The following MEIKIN variants were observed in gnomAD, a reference collection of about 807,000 sequenced individuals.
MEIKIN encodes the protein meiosis-specific kinetochore protein.
At chr5:131,833,610 C>T (rs534952736) in intron 11 of MEIKIN, among the ~76,000 whole-genome samples, 1 of 152,102 alleles carries the variant, frequency 6.6e-6, no homozygotes, top group Non-Finnish European at 1.5e-5. Context: ...ATGGCAGCAG[C>T]AAGAGAAAAT....
At chr5:131,887,600 T>G (rs926104882) in intron 8 of MEIKIN, among the ~76,000 whole-genome samples, 2 of 152,222 alleles carry the variant, frequency 1.3e-5, no homozygotes, top group Non-Finnish European at 2.9e-5. Flanking sequence ...ATGATGAGCA[T>G]TATTTCATGT....
intron 8 of MEIKIN, among the ~76,000 whole-genome samples, chr5:131,892,155 C>G (rs754103069): frequency 1.5e-4 from 23 of 152,098 alleles, no homozygotes; most frequent in Admixed American, 2.0e-4. Context: ...AACATTTTTT[C>G]CTTCATTTCA....
At chr5:131,815,974 T>C (rs1448012390) in intron 12 of MEIKIN, among the ~76,000 whole-genome samples, 2 of 152,234 alleles carry the variant, frequency 1.3e-5, no homozygotes, top group Non-Finnish European at 2.9e-5. Flanking sequence ...CTTCTCTCTC[T>C]TATCCCTTTA....
chr5:131,922,557 T>C (rs1466365716), intron 5 of MEIKIN, among the ~76,000 whole-genome samples: 1 of 152,154 alleles, frequency 6.6e-6, no homozygotes, highest in Non-Finnish European at 1.5e-5. Context: ...CATCCACAGA[T>C]TTTGGTATCC....
intron 4 of MEIKIN, among the ~76,000 whole-genome samples, chr5:131,942,208 C>T (rs1580918595): frequency 6.6e-6 from 1 of 152,218 alleles, no homozygotes; most frequent in Non-Finnish European, 1.5e-5. Context: ...ACATATCCTC[C>T]TACTCTCTGT....
chr5:131,875,050 A>C (rs1010954581), intron 9 of MEIKIN, among the ~76,000 whole-genome samples: 2 of 152,238 alleles, frequency 1.3e-5, no homozygotes, highest in African/African-American at 4.8e-5. Context: ...CTGAATGGCC[A>C]AAAACTGGAA....
chr5:131,825,049 A>C (rs757452877), intron 11 of MEIKIN, among the ~76,000 whole-genome samples: 7 of 152,008 alleles, frequency 4.6e-5, no homozygotes, highest in Non-Finnish European at 7.4e-5. Flanking sequence ...GAAGAAGAAG[A>C]AGAAGCTGGG....
chr5:131,824,367 A>C (rs1016683722), intron 11 of MEIKIN, among the ~76,000 whole-genome samples: 2 of 151,962 alleles, frequency 1.3e-5, no homozygotes, highest in African/African-American at 4.8e-5. Flanking sequence ...AAAAAATAGA[A>C]AACTTAGCCA....
intron 8 of MEIKIN, among the ~76,000 whole-genome samples, chr5:131,885,362 AGAGAGAGAGAGAGAG>A: frequency 3.8e-5 from 1 of 26,460 alleles, no homozygotes; most frequent in African/African-American, 1.1e-4. Context: ...AGAGAGAGAG[AGAGAGAGAGAGAGAG>A]AGAGAGAGAG....
At chr5:131,914,460 G>GGA (rs1036135793) in intron 7 of MEIKIN, among the ~76,000 whole-genome samples, 2 of 146,782 alleles carry the variant, frequency 1.4e-5, no homozygotes, top group African/African-American at 5.0e-5. Flanking sequence ...GGAAGGAAGG[G>GGA]GAGAGAGAGA....
intron 5 of MEIKIN, among the ~76,000 whole-genome samples, chr5:131,928,131 A>G (rs565727): frequency 0.35 from 50,774 of 145,604 alleles, 10,679 homozygotes; most frequent in African/African-American, 0.6. Context: ...GCGACAGAGC[A>G]AAACTCCGTC....
intron 9 of MEIKIN, 47 bp from the exon 10 acceptor site, chr5:131,854,881 A>C (rs1750168999): frequency 2.5e-6 from 1 of 396,098 alleles, no homozygotes; most frequent in East Asian, 3.6e-5. Context: ...GAAAGAAATA[A>C]ACTATTTTAG....
At chr5:131,861,204 C>T (rs559010856) in intron 9 of MEIKIN, among the ~76,000 whole-genome samples, 226 of 152,094 alleles carry the variant, frequency 1.5e-3, no homozygotes, top group Admixed American at 4.3e-3. Context: ...TCCTGGCCAA[C>T]ATGGTGAAAC....
At chr5:131,927,008 G>T in intron 5 of MEIKIN, among the ~76,000 whole-genome samples, 1 of 151,018 alleles carries the variant, frequency 6.6e-6, no homozygotes, top group South Asian at 2.1e-4. Context: ...ATTTATTTCT[G>T]CTCTAAATTT....
intron 12 of MEIKIN, among the ~76,000 whole-genome samples, chr5:131,815,682 A>T (rs191656055): frequency 1.4e-4 from 21 of 152,354 alleles, no homozygotes; most frequent in East Asian, 3.9e-4. Flanking sequence ...AATGGTGGTA[A>T]GGAAGAATAT....
At chr5:131,882,852 C>T (rs905704246) in intron 8 of MEIKIN, among the ~76,000 whole-genome samples, 1 of 152,090 alleles carries the variant, frequency 6.6e-6, no homozygotes, top group African/African-American at 2.4e-5. Context: ...CTTATTGTTC[C>T]CATTGCCTGG....
intron 4 of MEIKIN, among the ~76,000 whole-genome samples, chr5:131,938,160 AC>A (rs1751813250): frequency 7.9e-6 from 1 of 126,054 alleles, no homozygotes; most frequent in African/African-American, 3.1e-5. Flanking sequence ...CTCGCCCCTC[AC>A]CCCCTTTTTT....
intron 9 of MEIKIN, among the ~76,000 whole-genome samples, chr5:131,864,714 T>C (rs1351321412): frequency 1.3e-5 from 2 of 152,222 alleles, no homozygotes; most frequent in Non-Finnish European, 2.9e-5. Context: ...TTATGTTGTA[T>C]CTGTCTGGGA....
chr5:131,897,786 G>T (rs1443388177), intron 8 of MEIKIN, among the ~76,000 whole-genome samples: 1 of 152,028 alleles, frequency 6.6e-6, no homozygotes, highest in East Asian at 1.9e-4. Context: ...TTAGCCATTC[G>T]TCTAACCTTT....
Sources: allele counts gnomAD v4.1 joint callset (sites outside exome capture counted in the v4.1 genomes callset), GRCh38; gene constraint gnomAD v4.1.1; transcripts MANE v1.5; gene names NCBI Gene and HGNC (gene_info 2026-07-23, HGNC 2026-07-21).